Variants in ABCB9 observed in about 807,000 individuals in gnomAD.
ABCB9 encodes ATP binding cassette subfamily B member 9.
In ABCB9, 36 loss-of-function variants were observed where a neutral mutation model predicts 62.0. The observed-to-expected ratio is 0.58, with a 90% confidence interval of 0.45 to 0.77. The LOEUF (loss-of-function observed/expected upper bound fraction) is 0.77. Among genes scored for constraint, ABCB9 ranks in the 30% least tolerant of loss-of-function variants. The pLI is 0.00. For synonymous variants in ABCB9, 435 were observed against 461.4 expected (o/e 0.94, Z 0.73); for missense variants, 943 against 1,054.7 (o/e 0.89, Z 1.47).
At chr12:122,971,978 T>C (rs1295307655) in intron 1 of ABCB9, among the ~76,000 whole-genome samples, 1 of 152,060 alleles carries the variant, frequency 6.6e-6, no homozygotes, top group East Asian at 1.9e-4. Flanking sequence ...ATGGTAAATT[T>C]CGTTATGTAG....
At chr12:122,933,118 C>T (rs1272703507) in intron 10 of ABCB9, among the ~76,000 whole-genome samples, 1 of 152,164 alleles carries the variant, frequency 6.6e-6, no homozygotes, top group African/African-American at 2.4e-5. Flanking sequence ...TTCTCAAACC[C>T]CTGGCCTCAA....
intron 10 of ABCB9, 67 bp downstream of exon 10, chr12:122,935,205 C>T: frequency 6.7e-7 from 1 of 1,487,512 alleles, no homozygotes; most frequent in Non-Finnish European, 9.0e-7. Flanking sequence ...CAGTGCTTAA[C>T]TCAGAGGGTT....
chr12:122,944,545 G>C lies in ABCB9; in HGVS notation c.1252-26C>G, dbSNP rs373401996. 6.2e-7 allele frequency: 1 copy of C among 1,611,744 alleles called. No individual in the cohort carries two copies. Among genetic ancestry groups the C allele is most frequent in the Non-Finnish European group, 8.5e-7 (1 of 1,178,840 alleles). ...CTGGGGCAGAGGGAGAGGGGATGTG[G>C]GTCGAGGGGACCTTAGATCCCCCAC... On this transcript the variant is annotated intron_variant, in intron 6 of 11. Coordinates refer to ENST00000280560, the MANE Select transcript of ABCB9 (RefSeq NM_019625.4). This position sits in a 1 kb window ranked among gnomAD's most constrained non-coding sequence, Gnocchi z 4.9.
At position 122,929,417 on chromosome 12, in the gene ABCB9, G is replaced by A; in HGVS notation, c.*494C>T. 1.0e-6 allele frequency: 1 copy of A among 986,928 alleles called. No homozygotes were observed. The highest frequency in any genetic ancestry group is 1.2e-6 in the Non-Finnish European group (1 of 830,722). The allele number at this position is 986,928 out of a possible 1,614,324, so 61.1% of individuals were successfully genotyped here. A position where few individuals can be genotyped will look rare whatever the true frequency, so the allele number is the denominator to read the frequency against. On this transcript the variant is annotated 3_prime_UTR_variant, in exon 12 of 12. Transcript: ENST00000280560. This position sits in a 1 kb window ranked among gnomAD's most constrained non-coding sequence, Gnocchi z 6.0. ...AGAGACGGAAAATCCCGTTCCCCGT[G>A]TCTCCCTCCGGGACAGGGAAGCCCC... is the stretch of plus-strand genomic sequence containing the variant.
upstream of ABCB9, among the ~76,000 whole-genome samples, chr12:122,971,078 G>A (rs570062363): frequency 1.3e-5 from 2 of 152,286 alleles, no homozygotes; most frequent in East Asian, 3.9e-4. Flanking sequence ...ATATGATACT[G>A]TAATGGTAGA....
At chr12:122,953,430 C>G (rs972182779) in intron 2 of ABCB9, among the ~76,000 whole-genome samples, 1 of 152,150 alleles carries the variant, frequency 6.6e-6, no homozygotes, top group Non-Finnish European at 1.5e-5. Context: ...CTCCGTCGCC[C>G]AGGCTGGAGT....
At chr12:122,961,571 A>T (rs1053045059) in intron 1 of ABCB9, among the ~76,000 whole-genome samples, 1 of 152,150 alleles carries the variant, frequency 6.6e-6, no homozygotes, top group African/African-American at 2.4e-5. Context: ...AGAGTTATGG[A>T]AGTCTGCCAA....
chr12:122,938,354 T>C (rs2035564963), intron 9 of ABCB9, among the ~76,000 whole-genome samples: 1 of 151,284 alleles, frequency 6.6e-6, no homozygotes, highest in South Asian at 2.1e-4. Flanking sequence ...GGCAACATGG[T>C]GAGACCACAT....
chr12:122,959,550 A>G lies in ABCB9; in HGVS notation c.601+85T>C. 1 of 1,502,136 alleles carries G rather than the reference A, an allele frequency of 6.7e-7. No homozygotes were observed. The highest frequency in any genetic ancestry group is 8.9e-7 in the Non-Finnish European group (1 of 1,124,544). 93.1% of individuals were successfully genotyped at this position (1,502,136 alleles called of 1,614,324 possible). A position where few individuals can be genotyped will look rare whatever the true frequency, so the allele number is the denominator to read the frequency against. ...TATCAATTTGATGTCTGAACCACGT[A>G]AGTAAAATCTTTTAAAATCTAAGGC... On this transcript the variant is annotated intron_variant, in intron 2 of 11. Transcript: ENST00000280560. The surrounding 1 kb of genome is among the most constrained non-coding windows in gnomAD (Gnocchi z 5.4).
chr12:122,924,532 A>T (rs2034835915), downstream of ABCB9: 1 of 1,159,868 alleles, frequency 8.6e-7, no homozygotes, highest in Admixed American at 3.3e-5. Context: ...GCTCAGCTCA[A>T]ACATTTCTTT....
At chr12:122,946,817 G>A (rs80215718) in intron 5 of ABCB9, among the ~76,000 whole-genome samples, 86 of 152,352 alleles carry the variant, frequency 5.6e-4, no homozygotes, top group African/African-American at 1.9e-3. Flanking sequence ...CCAAGTGTGC[G>A]GCCATCAGGC....
At chr12:122,968,063 CTG>C (rs1440403575), upstream of ABCB9, among the ~76,000 whole-genome samples, 2 of 150,216 alleles carry the variant, frequency 1.3e-5, no homozygotes, top group Non-Finnish European at 2.9e-5. Flanking sequence ...ACAGAATACT[CTG>C]TAGCCAGAAA....
chr12:122,957,039 A>AT (rs60959704), intron 2 of ABCB9, among the ~76,000 whole-genome samples: 2,301 of 142,280 alleles, frequency 0.016, 32 homozygotes, highest in Non-Finnish European at 0.023. Flanking sequence ...TCCTTCTCCT[A>AT]TTTTTTTTTT....
In ABCB9 at chr12:122,932,812, C is replaced by T. The variant is rs554750152; in HGVS notation, c.1904-484G>A. ...CATGCACAACAATATAGACACAGGT[C>T]ACCTGTGACCCACAGCGCTGTTATT... On this transcript the variant is annotated intron_variant, in intron 10 of 11. Coordinates refer to ENST00000280560, the MANE Select transcript of ABCB9 (RefSeq NM_019625.4). The surrounding 1 kb of genome is among the most constrained non-coding windows in gnomAD (Gnocchi z 4.7). Among the ~76,000 whole-genome samples the T allele has an allele frequency of 1.8e-4, 27 of 152,182 alleles. No homozygotes were observed. The highest frequency in any genetic ancestry group is 2.4e-4 in the Non-Finnish European group (16 of 68,028).
In ABCB9 at chr12:122,964,851, T is replaced by C. The variant is rs537826315; in HGVS notation, c.-88+1436A>G. Among the ~76,000 whole-genome samples, 6 of 152,318 alleles carry C rather than the reference T, an allele frequency of 3.9e-5. No homozygotes were observed. In the South Asian group the frequency reaches 1.0e-3, roughly 26 times the overall value. On this transcript the variant is annotated intron_variant, in intron 1 of 11. Transcript: ENST00000280560. This position sits in a 1 kb window ranked among gnomAD's most constrained non-coding sequence, Gnocchi z 4.7. ...TAAAGAATGGCACAGGATAAGCAAG[T>C]GGCCTTGTCCCCACCAGGGGTCTTG...
chr12:122,947,755 GCGGGCCCGCGA>G lies in ABCB9; in HGVS notation c.1053+858_1053+868del, dbSNP rs2036122761. 3 of 141,804 alleles carry G rather than the reference GCGGGCCCGCGA, an allele frequency of 2.1e-5. No individual in the cohort carries two copies. Among genetic ancestry groups the G allele is most frequent in the Non-Finnish European group, 3.6e-5 (3 of 82,764 alleles). 8.8% of individuals were successfully genotyped at this position (141,804 alleles called of 1,614,324 possible). ...GCAGCCTGCCCATGATGGCATCACA[GCGGGCCCGCGA>G]TGGCATCACAGCGGGCCCGCACCAC... On this transcript the variant is annotated intron_variant, in intron 5 of 11. Transcript: ENST00000280560. The surrounding 1 kb of genome is among the most constrained non-coding windows in gnomAD (Gnocchi z 6.0).
chr12:122,945,899 G>GA lies in ABCB9; in HGVS notation c.1251+125dup, dbSNP rs1385051409. 12 of 520,934 alleles carry GA rather than the reference G, an allele frequency of 2.3e-5. No individual in the cohort carries two copies. In the African/African-American group the frequency reaches 3.0e-4, roughly 13 times the overall value. The allele number at this position is 520,934 out of a possible 1,614,324, so 32.3% of individuals were successfully genotyped here. On this transcript the variant is annotated intron_variant, in intron 6 of 11. Coordinates refer to ENST00000280560, the MANE Select transcript of ABCB9 (RefSeq NM_019625.4). ...TCTCAAAAAAAAAAAAAAAAAAAAA[G>GA]AAAGACAGACAGATTCTCCACCAGC...
At chr12:122,966,958 A>G (rs2037199926), upstream of ABCB9, among the ~76,000 whole-genome samples, 1 of 152,278 alleles carries the variant, frequency 6.6e-6, no homozygotes, top group Admixed American at 6.5e-5. Flanking sequence ...AGCATTTGAA[A>G]TTAAACAATT....
chr12:122,963,564 T>C (rs1479707619), intron 1 of ABCB9, among the ~76,000 whole-genome samples: 1 of 152,022 alleles, frequency 6.6e-6, no homozygotes, highest in Admixed American at 6.6e-5. Context: ...CCCACAGAGT[T>C]GGGTCACAAG....
Sources: allele counts gnomAD v4.1 joint callset (sites outside exome capture counted in the v4.1 genomes callset), GRCh38; gene constraint gnomAD v4.1.1; non-coding constraint Gnocchi (gnomAD v3.1); transcripts MANE v1.5; gene names NCBI Gene and HGNC (gene_info 2026-07-23, HGNC 2026-07-21).